The following MCTP2 variants were observed in gnomAD, a reference collection of about 807,000 sequenced individuals.
The protein encoded by MCTP2 is multiple C2 and transmembrane domain-containing protein 2.
Under a neutral mutation model 111.6 loss-of-function variants are expected in MCTP2, and 132 were observed. The observed-to-expected ratio is 1.18, with a 90% CI of 1.03 to 1.37. The LOEUF (loss-of-function observed/expected upper bound fraction) is 1.37, where lower values mean the gene tolerates loss of function less well. MCTP2 is among the 40% of genes most tolerant of loss of function. MCTP2 has a pLI of 0.00. For missense variants in MCTP2, 1,183 were observed against 1,067.9 expected, an observed-to-expected ratio of 1.11 and a Z score of -1.50; for synonymous variants, 395 against 387.7, an observed-to-expected ratio of 1.02 and a Z score of -0.22.
At chr15:94,375,471 A>G (rs2079716446) in intron 12 of MCTP2, among the ~76,000 whole-genome samples, 1 of 152,190 alleles carries the variant, frequency 6.6e-6, no homozygotes, top group African/African-American at 2.4e-5. Context: ...AACTGGAAAT[A>G]TCATCTTGAC....
At chr15:94,371,843 C>G (rs2079507040) in intron 12 of MCTP2, among the ~76,000 whole-genome samples, 1 of 152,150 alleles carries the variant, frequency 6.6e-6, no homozygotes, top group Non-Finnish European at 1.5e-5. Context: ...TGCCTGCCAC[C>G]ACACCTGGCT....
chr15:94,451,921 A>T (rs990284122), intron 19 of MCTP2, among the ~76,000 whole-genome samples: 1 of 152,222 alleles, frequency 6.6e-6, no homozygotes, highest in African/African-American at 2.4e-5. Flanking sequence ...ACTGGTGTTT[A>T]TGAAGCACCT....
At chr15:94,457,927 T>A (rs1293673014) in intron 19 of MCTP2, among the ~76,000 whole-genome samples, 1 of 152,120 alleles carries the variant, frequency 6.6e-6, no homozygotes, top group African/African-American at 2.4e-5. Context: ...AGGTAGCAAC[T>A]GAGGCTTGCG....
chr15:94,353,686 G>A (rs939622768), intron 8 of MCTP2, among the ~76,000 whole-genome samples: 3 of 152,208 alleles, frequency 2.0e-5, no homozygotes, highest in Non-Finnish European at 4.4e-5. Context: ...AAGCATGGCC[G>A]TGGGACAGGT....
chr15:94,360,348 C>G (rs1374596804), intron 10 of MCTP2, among the ~76,000 whole-genome samples: 1 of 152,182 alleles, frequency 6.6e-6, no homozygotes, highest in Non-Finnish European at 1.5e-5. Flanking sequence ...GACCTTGTCT[C>G]TCACTTCTCC....
chr15:94,341,060 G>A (rs372739427), intron 7 of MCTP2, 136 bp downstream of exon 7: 5 of 612,192 alleles, frequency 8.2e-6, no homozygotes, highest in Middle Eastern at 2.6e-4. Flanking sequence ...ATTTTATGGA[G>A]TCTTAAAATA....
intron 22 of MCTP2, among the ~76,000 whole-genome samples, chr15:94,477,607 A>G (rs2074471083): frequency 6.6e-6 from 1 of 152,202 alleles, no homozygotes; most frequent in Non-Finnish European, 1.5e-5. Context: ...CAATCCTTTA[A>G]TATCTCAGAG....
chr15:94,327,613 T>C (rs1288891037), intron 4 of MCTP2, among the ~76,000 whole-genome samples: 1 of 152,226 alleles, frequency 6.6e-6, no homozygotes. Context: ...CAAGAGCAAA[T>C]GTGAACCTTT....
At chr15:94,277,947 T>C (rs1349987048) in intron 1 of MCTP2, among the ~76,000 whole-genome samples, 1 of 152,072 alleles carries the variant, frequency 6.6e-6, no homozygotes, top group Non-Finnish European at 1.5e-5. Flanking sequence ...ACAGAGGTAG[T>C]ATATAGCAGA....
At chr15:94,267,970 A>G (rs1180310200) in intron 1 of MCTP2, among the ~76,000 whole-genome samples, 1 of 141,518 alleles carries the variant, frequency 7.1e-6, no homozygotes, top group Non-Finnish European at 1.5e-5. Context: ...GGTTCACGCC[A>G]TTCTCCTGCC....
At chr15:94,309,411 A>G (rs2076029569) in intron 2 of MCTP2, among the ~76,000 whole-genome samples, 1 of 152,220 alleles carries the variant, frequency 6.6e-6, no homozygotes, top group Admixed American at 6.5e-5. Context: ...TTGTTCAGCC[A>G]AATTTTTACT....
intron 19 of MCTP2, among the ~76,000 whole-genome samples, chr15:94,448,777 A>G (rs1174255732): frequency 1.3e-5 from 2 of 152,214 alleles, no homozygotes; most frequent in Admixed American, 6.5e-5. Flanking sequence ...CTGATTATCC[A>G]CAAGTGATTG....
chr15:94,243,167 A>C lies in MCTP2; in HGVS notation c.-66+11503A>C, dbSNP rs187842821. On this transcript the variant is annotated intron_variant, in intron 1 of 22. Coordinates refer to ENST00000357742, the MANE Select transcript of MCTP2 (RefSeq NM_001385001.1). ...TATTTATATACGTGTGTGTATATAC[A>C]TACGTACGTATGTACGTATGCGTAT... Among the ~76,000 whole-genome samples, 22 of 126,604 alleles carry C rather than the reference A, an allele frequency of 1.7e-4. 3 individuals are homozygous for C. The highest frequency in any genetic ancestry group is 6.6e-4 in the African/African-American group (22 of 33,162). 83.1% of individuals were successfully genotyped at this position (126,604 alleles called of 152,430 possible).
At chr15:94,302,837 C>T (rs1427365254) in intron 2 of MCTP2, among the ~76,000 whole-genome samples, 1 of 152,010 alleles carries the variant, frequency 6.6e-6, no homozygotes, top group Non-Finnish European at 1.5e-5. Context: ...CATATTAGTC[C>T]ATTTTCATGC....
At chr15:94,443,034 G>T in intron 19 of MCTP2, 74 bp downstream of exon 19, 15 of 1,069,286 alleles carry the variant, frequency 1.4e-5, no homozygotes, top group African/African-American at 1.7e-5. Context: ...TTCAGGTTGA[G>T]TCTCTCTCCT....
intron 4 of MCTP2, among the ~76,000 whole-genome samples, chr15:94,321,579 T>TC (rs2076631769): frequency 6.6e-6 from 1 of 152,156 alleles, no homozygotes; most frequent in African/African-American, 2.4e-5. Flanking sequence ...CCATGTCAGC[T>TC]CCCCCGTCAT....
At chr15:94,285,747 A>T (rs1016085385) in intron 1 of MCTP2, among the ~76,000 whole-genome samples, 3 of 152,190 alleles carry the variant, frequency 2.0e-5, no homozygotes, top group African/African-American at 7.2e-5. Flanking sequence ...ATTTGGAATG[A>T]CTGAAAAAGA....
intron 1 of MCTP2, among the ~76,000 whole-genome samples, chr15:94,290,405 A>G (rs2074979500): frequency 6.6e-6 from 1 of 152,228 alleles, no homozygotes; most frequent in Non-Finnish European, 1.5e-5. Context: ...ATAATCACTG[A>G]AAGTTTATAC....
chr15:94,298,575 G>C lies in MCTP2; in HGVS notation c.310G>C (p.Asp104His), dbSNP rs369360106. The change falls in exon 2 of 23, where the codon GAT becomes CAT. Residue 104 changes from aspartate (D) to histidine (H), a missense_variant. Coordinates refer to ENST00000357742, the MANE Select transcript of MCTP2 (RefSeq NM_001385001.1). ...SSLKQSEEEL[D>H]WSQEEASHLH... ...CTTGAAACAGTCTGAAGAAGAATTG[G>C]ATTGGAGCCAGGAAGAAGCCAGTCA... is the stretch of plus-strand genomic sequence containing the variant. 4.3e-6 allele frequency: 7 copies of C among 1,614,028 alleles called. No individual in the cohort carries two copies. The African/African-American group carries it at 9.3e-5, about 22-fold the overall frequency.
Sources: allele counts gnomAD v4.1 joint callset (sites outside exome capture counted in the v4.1 genomes callset), GRCh38; gene constraint gnomAD v4.1.1; transcripts MANE v1.5; gene names NCBI Gene and HGNC (gene_info 2026-07-23, HGNC 2026-07-21).